The following CTSC variants were observed in gnomAD, a reference collection of about 807,000 sequenced individuals.
The protein encoded by CTSC is dipeptidyl peptidase 1.
A neutral mutation model predicts 40.9 loss-of-function variants in CTSC; 37 were observed. The ratio of observed to expected loss-of-function variants is 0.91; its 90% CI spans 0.70 to 1.19. CTSC has a LOEUF of 1.19. Ranked by LOEUF, CTSC falls within the 50% of genes most tolerant of loss-of-function variation. The pLI is 0.00. For missense variants in CTSC, 594 were observed against 567.3 expected, an observed-to-expected ratio of 1.05 and a Z score of -0.48; for synonymous variants, 232 against 207.4, an observed-to-expected ratio of 1.12 and a Z score of -1.02.
At chr11:88,324,454 A>G in intron 2 of CTSC, 5 of 980,816 alleles carry the variant, frequency 5.1e-6, no homozygotes, top group Non-Finnish European at 6.1e-6. Flanking sequence ...CAGGGAATCA[A>G]AAAAGATGTA....
intron 2 of CTSC, among the ~76,000 whole-genome samples, chr11:88,330,573 G>T (rs606350): frequency 0.72 from 109,608 of 151,716 alleles, 39,750 homozygotes; most frequent in East Asian, 0.89. Flanking sequence ...GGTCTCGAAC[G>T]CCTGACCTCA....
rs11545744 is a variant in CTSC, at chr11:88,294,240, C to A, written c.1158G>T (p.Gly386=). 6.2e-7 allele frequency: 1 copy of A among 1,613,844 alleles called. No homozygotes were observed. The highest frequency in any genetic ancestry group is 1.3e-5 in the African/African-American group (1 of 74,856). The change falls in exon 7 of 7, where the codon GGG becomes GGT. Residue 386 remains glycine (G), a synonymous_variant. Coordinates refer to ENST00000227266, the MANE Select transcript of CTSC (RefSeq NM_001814.6). ...CTCTTAGACCAGTGTGGTGGTAGATCCCCTTTTTGTAGTGGAGGAAGTCAT... is the reference window on the plus strand; with the variant it reads ...CTCTTAGACCAGTGTGGTGGTAGATACCCTTTTTGTAGTGGAGGAAGTCAT... ...VYDDFLHYKK[G]IYHHTGLRDP...
chr11:88,337,735 G>C lies in CTSC; in HGVS notation c.-63C>G. On this transcript the variant is annotated 5_prime_UTR_variant, in exon 1 of 7. Coordinates refer to ENST00000227266, the MANE Select transcript of CTSC (RefSeq NM_001814.6). ...GGAAGCCGAGCGCTGCGGGCTAGCG[G>C]TGAGTCCACCACGAGGCGCGCGCCT... 3 of 1,536,566 alleles carry C rather than the reference G, an allele frequency of 2.0e-6. No individual in the cohort carries two copies. The highest frequency in any genetic ancestry group is 2.6e-6 in the Non-Finnish European group (3 of 1,136,748).
intron 4 of CTSC, among the ~76,000 whole-genome samples, chr11:88,308,820 A>G (rs977840663): frequency 2.0e-5 from 3 of 152,134 alleles, no homozygotes; most frequent in Non-Finnish European, 2.9e-5. Context: ...CTATATTGCC[A>G]TGGTTTTTCT....
chr11:88,314,606 C>A (rs558037401), intron 2 of CTSC, among the ~76,000 whole-genome samples: 1 of 152,278 alleles, frequency 6.6e-6, no homozygotes, highest in African/African-American at 2.4e-5. Context: ...CGGCTCACTG[C>A]AACCTCCGCC....
chr11:88,318,611 T>A, intron 2 of CTSC, among the ~76,000 whole-genome samples: 1 of 152,130 alleles, frequency 6.6e-6, no homozygotes, highest in East Asian at 1.9e-4. Context: ...ATTTCTAACA[T>A]AAAAATACAA....
At chr11:88,304,229 C>T (rs1327857328) in intron 4 of CTSC, among the ~76,000 whole-genome samples, 1 of 152,142 alleles carries the variant, frequency 6.6e-6, no homozygotes, top group Non-Finnish European at 1.5e-5. Context: ...TGGGTATAAT[C>T]ATGCTTACCT....
intron 4 of CTSC, among the ~76,000 whole-genome samples, chr11:88,304,248 T>G (rs887284759): frequency 2.0e-5 from 3 of 152,178 alleles, no homozygotes; most frequent in Non-Finnish European, 4.4e-5. Context: ...CTCAAAGGGT[T>G]GTTATGAAAA....
intron 6 of CTSC, among the ~76,000 whole-genome samples, chr11:88,295,358 G>T (rs217105): frequency 0.29 from 43,831 of 151,792 alleles, 6,847 homozygotes; most frequent in South Asian, 0.42. Flanking sequence ...ATCACATACA[G>T]CCTGATCTGA....
chr11:88,299,868 T>C (rs1377792954), intron 5 of CTSC: 3 of 152,288 alleles, frequency 2.0e-5, no homozygotes, highest in African/African-American at 7.2e-5. Flanking sequence ...TGCTATCAAG[T>C]GCAGTTAGAG....
chr11:88,318,105 T>C (rs1302689077), intron 2 of CTSC, among the ~76,000 whole-genome samples: 1 of 152,160 alleles, frequency 6.6e-6, no homozygotes, highest in Non-Finnish European at 1.5e-5. Flanking sequence ...TTTTTGACAC[T>C]GAGGAGAGGG....
At chr11:88,299,464 A>G (rs1337425537) in intron 5 of CTSC, 1 of 152,238 alleles carries the variant, frequency 6.6e-6, no homozygotes, top group Non-Finnish European at 1.5e-5. Context: ...AAAAGCAAAG[A>G]GACGAGACCC....
Position 88,337,652 on chromosome 11 carries a change from C to G in CTSC, c.21G>C (p.Leu7Phe), listed in dbSNP as rs370256893. 1.9e-6 allele frequency: 3 copies of G among 1,581,062 alleles called. No homozygotes were observed. Among genetic ancestry groups the G allele is most frequent in the Non-Finnish European group, 2.6e-6 (3 of 1,163,050 alleles). Residue 7 changes from leucine to phenylalanine, a missense_variant, in exon 1 of 7, where the codon TTG (leucine) becomes TTC (phenylalanine). Coordinates refer to ENST00000227266, the MANE Select transcript of CTSC (RefSeq NM_001814.6). ...GAAGCAGCAGGAGGGCGGCGAGCAGCAAGGAGGGCCCAGCACCCATGCTGC... is the reference window on the plus strand; with the variant it reads ...GAAGCAGCAGGAGGGCGGCGAGCAGGAAGGAGGGCCCAGCACCCATGCTGC... The part of the protein sequence containing the change: MGAGPS[L>F]LLAALLLLLS...
chr11:88,313,011 A>G (rs537818823), intron 2 of CTSC, among the ~76,000 whole-genome samples: 4 of 152,314 alleles, frequency 2.6e-5, no homozygotes, highest in South Asian at 2.1e-4. Context: ...TCCTCAGTCT[A>G]TCACACTACA....
At chr11:88,296,894 TC>T in intron 5 of CTSC, 1 of 156,370 alleles carries the variant, frequency 6.4e-6, no homozygotes, top group Admixed American at 6.2e-5. Context: ...CCTAAAATTC[TC>T]CCCCTAAAAA....
At chr11:88,300,367 G>C (rs1305356305) in intron 5 of CTSC, among the ~76,000 whole-genome samples, 163 bp downstream of exon 5, 1 of 152,150 alleles carries the variant, frequency 6.6e-6, no homozygotes, top group Non-Finnish European at 1.5e-5. Flanking sequence ...GTTTGTCATG[G>C]ATATAAAAGG....
At chr11:88,324,587 C>A (rs1938123825) in intron 2 of CTSC, 9 of 984,478 alleles carry the variant, frequency 9.1e-6, no homozygotes, top group Non-Finnish European at 1.1e-5. Flanking sequence ...CAGGTACCTA[C>A]AAAGTTCTAT....
At chr11:88,329,683 C>A (rs1938295739) in intron 2 of CTSC, among the ~76,000 whole-genome samples, 1 of 151,998 alleles carries the variant, frequency 6.6e-6, no homozygotes, top group Non-Finnish European at 1.5e-5. Context: ...CATAATTAAG[C>A]ATTTTCACAG....
At chr11:88,328,198 T>C in intron 2 of CTSC, 1 of 1,604,452 alleles carries the variant, frequency 6.2e-7, no homozygotes, top group Non-Finnish European at 8.5e-7. Context: ...AGTGACATCC[T>C]ACAAAGAGTT....
Sources: allele counts gnomAD v4.1 joint callset (sites outside exome capture counted in the v4.1 genomes callset), GRCh38; gene constraint gnomAD v4.1.1; transcripts MANE v1.5; gene names NCBI Gene and HGNC (gene_info 2026-07-23, HGNC 2026-07-21).